LPP: variants seen among roughly 807,000 people sequenced by gnomAD.
LPP encodes lipoma-preferred partner.
Under a neutral mutation model 60.4 loss-of-function variants are expected in LPP, and 38 were observed. The ratio of observed to expected loss-of-function variants is 0.63; its 90% confidence interval spans 0.49 to 0.83. LPP has a LOEUF of 0.83. Ranked by LOEUF, LPP falls within the 40% of genes least tolerant of loss-of-function variation. The pLI is 0.00. For synonymous variants in LPP, 328 were observed against 290.8 expected, an observed-to-expected ratio of 1.13 and a Z score of -1.30; for missense variants, 902 against 783.6, an observed-to-expected ratio of 1.15 and a Z score of -1.80.
chr3:188,450,455 G>T (rs926316438), intron 4 of LPP, among the ~76,000 whole-genome samples: 1 of 151,818 alleles, frequency 6.6e-6, no homozygotes. Flanking sequence ...TTCAAAAATC[G>T]ATTTACAGGC....
intron 3 of LPP, among the ~76,000 whole-genome samples, chr3:188,360,143 T>G (rs1321443838): frequency 6.6e-6 from 1 of 152,220 alleles, no homozygotes; most frequent in Non-Finnish European, 1.5e-5. Context: ...TGTTACCTTC[T>G]TGCTATTTGC....
intron 4 of LPP, among the ~76,000 whole-genome samples, chr3:188,436,515 A>T (rs954083017): frequency 9.9e-5 from 15 of 152,184 alleles, no homozygotes; most frequent in African/African-American, 3.6e-4. Flanking sequence ...TTTATTTTCA[A>T]CATTTTCTAT....
At chr3:188,805,829 T>G (rs1748959485) in intron 9 of LPP, among the ~76,000 whole-genome samples, 1 of 151,948 alleles carries the variant, frequency 6.6e-6, no homozygotes, top group Admixed American at 6.6e-5. Flanking sequence ...GTAATTTTTT[T>G]GACGCATGGT....
intron 2 of LPP, among the ~76,000 whole-genome samples, chr3:188,253,793 C>T (rs192229344): frequency 6.6e-6 from 1 of 152,152 alleles, no homozygotes; most frequent in Non-Finnish European, 1.5e-5. Context: ...TTTCCCTCCC[C>T]TCAGTAAAAC....
chr3:188,606,033 G>T (rs1041251754), intron 6 of LPP, among the ~76,000 whole-genome samples: 1 of 152,128 alleles, frequency 6.6e-6, no homozygotes, highest in Non-Finnish European at 1.5e-5. Context: ...ATAGTACTCT[G>T]TTGAGAGACA....
chr3:188,679,606 A>G (rs538281698), intron 7 of LPP, among the ~76,000 whole-genome samples: 4 of 151,464 alleles, frequency 2.6e-5, no homozygotes, highest in East Asian at 1.9e-4. Context: ...TTTGACCACT[A>G]TGAGGAACTG....
At chr3:188,250,768 T>G (rs1291669531) in intron 2 of LPP, among the ~76,000 whole-genome samples, 1,746 of 114,938 alleles carry the variant, frequency 0.015, 31 homozygotes, top group African/African-American at 0.026. Context: ...CTTTCTTTCT[T>G]TCTTTCTTTC....
chr3:188,679,538 T>C (rs886585064), intron 7 of LPP, among the ~76,000 whole-genome samples: 1 of 149,838 alleles, frequency 6.7e-6, no homozygotes, highest in African/African-American at 2.4e-5. Flanking sequence ...TGTGTGTGTG[T>C]GTGTGTGTGT....
intron 4 of LPP, among the ~76,000 whole-genome samples, chr3:188,424,880 T>C (rs1368273954): frequency 6.6e-6 from 1 of 152,198 alleles, no homozygotes; most frequent in Non-Finnish European, 1.5e-5. Flanking sequence ...TGCAATCATG[T>C]CATCTGCAAA....
intron 4 of LPP, among the ~76,000 whole-genome samples, chr3:188,427,134 G>A (rs963428984): frequency 1.1e-4 from 17 of 152,298 alleles, no homozygotes; most frequent in African/African-American, 4.1e-4. Context: ...AGGAGCTCTT[G>A]TAAAGCAGGC....
intron 8 of LPP, among the ~76,000 whole-genome samples, chr3:188,735,521 A>G (rs1383292695): frequency 6.6e-6 from 1 of 151,876 alleles, no homozygotes; most frequent in South Asian, 2.1e-4. Context: ...AGCTGGGATT[A>G]CAGGAGCCTG....
intron 9 of LPP, among the ~76,000 whole-genome samples, chr3:188,837,014 G>A (rs1002155316): frequency 1.4e-4 from 22 of 152,156 alleles, no homozygotes; most frequent in African/African-American, 5.3e-4. Context: ...GATATTGTGT[G>A]TATATTCACA....
intron 8 of LPP, among the ~76,000 whole-genome samples, chr3:188,740,941 A>C (rs1176237575): frequency 6.6e-6 from 1 of 151,996 alleles, no homozygotes; most frequent in East Asian, 1.9e-4. Context: ...TATTATTTTT[A>C]GCAAATAAGC....
At chr3:188,725,822 T>A (rs1577215081) in intron 8 of LPP, among the ~76,000 whole-genome samples, 1 of 152,214 alleles carries the variant, frequency 6.6e-6, no homozygotes, top group East Asian at 1.9e-4. Flanking sequence ...AATGGAAAAG[T>A]GGAGAAAGAT....
At chr3:188,476,881 T>C (rs933175778) in intron 4 of LPP, among the ~76,000 whole-genome samples, 2 of 152,222 alleles carry the variant, frequency 1.3e-5, no homozygotes, top group Non-Finnish European at 2.9e-5. Context: ...TATTGTGCTA[T>C]TTTGATGACA....
chr3:188,832,804 G>A (rs780809188), intron 9 of LPP, among the ~76,000 whole-genome samples: 24 of 152,204 alleles, frequency 1.6e-4, no homozygotes, highest in Non-Finnish European at 2.4e-4. Flanking sequence ...TCTTCAGCGG[G>A]AGCCTAGGAC....
intron 1 of LPP, among the ~76,000 whole-genome samples, chr3:188,167,039 T>C (rs1720165862): frequency 6.6e-6 from 1 of 152,124 alleles, no homozygotes; most frequent in Admixed American, 6.5e-5. Flanking sequence ...AGTTAGAAGG[T>C]TTGGATTTAA....
In LPP at chr3:188,577,752, C is replaced by CCTTCCTTCCTTCCTTT. The variant is rs772131875; in HGVS notation, c.430-31409_430-31408insCTTCCTTCCTTCCTTT. 7.3e-4 allele frequency among the ~76,000 whole-genome samples: 84 copies of CCTTCCTTCCTTCCTTT among 115,036 alleles called. 2 individuals are homozygous for CCTTCCTTCCTTCCTTT. Among genetic ancestry groups the CCTTCCTTCCTTCCTTT allele is most frequent in the East Asian group, 1.1e-3 (4 of 3,532 alleles). The allele number at this position is 115,036 out of a possible 152,430, so 75.5% of individuals were successfully genotyped here. A position where few individuals can be genotyped will look rare whatever the true frequency, so the allele number is the denominator to read the frequency against. Reference sequence around the variant, plus strand: ...GGTTTCCTTCCTTCCTTTGTTCCTTCGTTCCTTCGTTCCTTCCTTCCTTCC... The same window carrying CCTTCCTTCCTTCCTTT: ...GGTTTCCTTCCTTCCTTTGTTCCTTCCTTCCTTCCTTCCTTTGTTCCTTCGTTCCTTCCTTCCTTCC... On this transcript the variant is annotated intron_variant, in intron 6 of 11. Transcript: ENST00000617246.
At chr3:188,550,921 A>G (rs1223566328) in intron 6 of LPP, among the ~76,000 whole-genome samples, 1 of 152,160 alleles carries the variant, frequency 6.6e-6, no homozygotes, top group African/African-American at 2.4e-5. Flanking sequence ...ATCTTTTGGC[A>G]AAGAGTCTCC....
Sources: gnomAD v4.1 joint callset for allele counts (sites outside exome capture counted in the v4.1 genomes callset) on GRCh38, gnomAD v4.1.1 for gene constraint, MANE v1.5 for transcripts, NCBI Gene and HGNC (gene_info 2026-07-23, HGNC 2026-07-21) for gene names.